ZFYVE16: variants seen among roughly 807,000 people sequenced by gnomAD.
The protein encoded by ZFYVE16 is zinc finger FYVE domain-containing protein 16.
In ZFYVE16, 89 loss-of-function variants were observed where a neutral mutation model predicts 138.1. The ratio of observed to expected loss-of-function variants is 0.64; its 90% confidence interval spans 0.54 to 0.77. ZFYVE16 has a LOEUF of 0.77. ZFYVE16 is among the 30% of genes least tolerant of loss of function. The probability of loss-of-function intolerance (pLI) is 0.00; values close to 1 mark genes in which losing one functional copy is unlikely to be tolerated. For missense variants in ZFYVE16, 1,793 were observed against 1,786.7 expected (o/e 1.00, Z -0.06); for synonymous variants, 596 against 618.3 (o/e 0.96, Z 0.53).
chr5:80,452,563 G>T (rs11958178), intron 11 of ZFYVE16: 1 of 151,820 alleles, frequency 6.6e-6, no homozygotes, highest in African/African-American at 2.4e-5. Context: ...ATATACTATT[G>T]GGAGTTTGTT....
intron 15 of ZFYVE16, among the ~76,000 whole-genome samples, chr5:80,470,939 T>TG (rs1561334475): frequency 6.6e-6 from 1 of 151,432 alleles, no homozygotes; most frequent in African/African-American, 2.4e-5. Context: ...CAGGACTGTG[T>TG]AAAGACAATG....
intron 13 of ZFYVE16, 123 bp downstream of exon 13, chr5:80,456,688 T>C: frequency 1.1e-6 from 1 of 923,426 alleles, no homozygotes; most frequent in Non-Finnish European, 1.6e-6. Flanking sequence ...CAAACATTGT[T>C]TTTGAAATGA....
chr5:80,416,247 A>ATTT (rs70988469), intron 1 of ZFYVE16, among the ~76,000 whole-genome samples: 10 of 73,344 alleles, frequency 1.4e-4, no homozygotes, highest in African/African-American at 4.3e-4. Flanking sequence ...GAATACATAG[A>ATTT]TTTTTTTTTT....
intron 8 of ZFYVE16, 35 bp downstream of exon 8, chr5:80,448,439 A>G (rs1218966693): frequency 7.0e-7 from 1 of 1,428,646 alleles, no homozygotes; most frequent in Non-Finnish European, 9.1e-7. Flanking sequence ...AAAAAGATTT[A>G]AAAATATATA....
intron 15 of ZFYVE16, among the ~76,000 whole-genome samples, chr5:80,467,246 C>G (rs1401099283): frequency 1.6e-4 from 24 of 152,140 alleles, no homozygotes; most frequent in Non-Finnish European, 7.4e-5. Flanking sequence ...AAAGGAAAAG[C>G]TGGGGAATGC....
chr5:80,474,001 AC>A, intron 17 of ZFYVE16, 142 bp downstream of exon 17: 1 of 593,424 alleles, frequency 1.7e-6, no homozygotes, highest in Non-Finnish European at 2.8e-6. Flanking sequence ...ACGCATTTCC[AC>A]CCCAGAATTT....
intron 5 of ZFYVE16, chr5:80,441,978 T>C (rs1750759661): frequency 1.1e-6 from 1 of 939,170 alleles, no homozygotes; most frequent in Admixed American, 6.2e-5. Context: ...AGCTATATTC[T>C]CATGAAATTT....
At chr5:80,434,515 C>G (rs571753342) in intron 3 of ZFYVE16, among the ~76,000 whole-genome samples, 1 of 152,246 alleles carries the variant, frequency 6.6e-6, no homozygotes, top group Admixed American at 6.5e-5. Flanking sequence ...CTCATTCTGT[C>G]TCCCAGGCTG....
At chr5:80,449,130 C>CT (rs561539823) in intron 8 of ZFYVE16, among the ~76,000 whole-genome samples, 1,598 of 146,270 alleles carry the variant, frequency 0.011, 11 homozygotes, top group Middle Eastern at 0.018. Flanking sequence ...TTGTCAAGAT[C>CT]TTTTTTTTTT....
chr5:80,433,186 C>T lies in ZFYVE16; in HGVS notation c.-39-923C>T, dbSNP rs185308603. ...ACAATAGCAAAGACTTGGAACCAAC[C>T]CAAATGTCCATCAATGATAGACTGG... On this transcript the variant is annotated intron_variant, in intron 2 of 18. Coordinates refer to ENST00000505560, the MANE Select transcript of ZFYVE16 (RefSeq NM_001284236.3). 2.9e-3 allele frequency among the ~76,000 whole-genome samples: 443 copies of T among 152,218 alleles called. 2 individuals are homozygous for T. Among genetic ancestry groups the T allele is most frequent in the African/African-American group, 0.01 (425 of 41,544 alleles).
At chr5:80,474,884 A>C in intron 18 of ZFYVE16, 54 bp downstream of exon 18, 2 of 1,548,012 alleles carry the variant, frequency 1.3e-6, no homozygotes, top group Non-Finnish European at 1.7e-6. Flanking sequence ...CATATTAACA[A>C]GTTTTTCTTC....
At chr5:80,407,771 C>T (rs1744813511), upstream of ZFYVE16, among the ~76,000 whole-genome samples, 1 of 152,206 alleles carries the variant, frequency 6.6e-6, no homozygotes, top group Non-Finnish European at 1.5e-5. Context: ...GGAAGTCAGA[C>T]ACTGACGCGA....
intron 11 of ZFYVE16, among the ~76,000 whole-genome samples, chr5:80,453,829 C>T (rs181702335): frequency 6.6e-6 from 1 of 152,270 alleles, no homozygotes; most frequent in East Asian, 1.9e-4. Context: ...TTTTTAAATG[C>T]TTTTGAAAAT....
At chr5:80,448,435 A>C (rs760141418) in intron 8 of ZFYVE16, 31 bp downstream of exon 8, 28 of 1,433,754 alleles carry the variant, frequency 2.0e-5, no homozygotes, top group Non-Finnish European at 2.5e-5. Context: ...ATTTAAAAAG[A>C]TTTAAAAATA....
rs775324716 is a variant in ZFYVE16 at position 80,448,162 on chromosome 5, C to A, written c.2861C>A (p.Thr954Lys). 2 of 1,613,910 alleles carry A rather than the reference C, an allele frequency of 1.2e-6. No homozygotes were observed. Among genetic ancestry groups the A allele is most frequent in the Non-Finnish European group, 1.7e-6 (2 of 1,179,936 alleles). Residue 954 changes from threonine to lysine, a missense_variant, in exon 8 of 19, where the codon ACA (threonine) becomes AAA (lysine). Around this residue, in one of 2 missense-constraint regions of ZFYVE16, gnomAD observed 1,295 missense variants for 1,204.3 expected, o/e 1.08. Transcript: ENST00000505560. ...TCAGTGGAAAAATTGTCTATGAACA[C>A]AGGAAATGAGGGGTTACCTACTTCT... ...VPSVEKLSMN[T>K]GNEGLPTSGS...
intron 15 of ZFYVE16, among the ~76,000 whole-genome samples, chr5:80,471,717 G>A (rs562566155): frequency 5.9e-5 from 9 of 152,272 alleles, no homozygotes; most frequent in African/African-American, 9.6e-5. Context: ...GCCAGATCCC[G>A]CAATAGTTAT....
In ZFYVE16 at chr5:80,471,727, T is replaced by C. The variant is rs528754397; in HGVS notation, c.4025-1034T>C. On this transcript the variant is annotated intron_variant, in intron 15 of 18. Coordinates refer to ENST00000505560, the MANE Select transcript of ZFYVE16 (RefSeq NM_001284236.3). Reference sequence around the variant, plus strand: ...TGCTGGCCAGATCCCGCAATAGTTATATGCTTTAGAAACTTTAGATTCTAA... The same window carrying C: ...TGCTGGCCAGATCCCGCAATAGTTACATGCTTTAGAAACTTTAGATTCTAA... Among the ~76,000 whole-genome samples, 13 of 152,358 alleles carry C rather than the reference T, an allele frequency of 8.5e-5. No homozygotes were observed. The South Asian group carries it at 2.5e-3, about 29-fold the overall frequency.
rs369109701 is a variant in ZFYVE16 at position 80,470,064 on chromosome 5, C to CGTGTGTGTGTGTGT, written c.4025-2674_4025-2661dup. ...ATATATGTGTGTGTGTGTATATATA[C>CGTGTGTGTGTGTGT]GTGTGTGTGTGTGTGTGTGTGTGTG... On this transcript the variant is annotated intron_variant, in intron 15 of 18. Coordinates refer to ENST00000505560, the MANE Select transcript of ZFYVE16 (RefSeq NM_001284236.3). Among the ~76,000 whole-genome samples the CGTGTGTGTGTGTGT allele has an allele frequency of 3.0e-3, 178 of 59,502 alleles. 1 individual carries two copies. Among genetic ancestry groups the CGTGTGTGTGTGTGT allele is most frequent in the African/African-American group, 6.7e-3 (144 of 21,372 alleles). 39.0% of individuals were successfully genotyped at this position (59,502 alleles called of 152,430 possible).
Position 80,477,528 on chromosome 5 carries a change from A to C in ZFYVE16, c.*151A>C, listed in dbSNP as rs1047263354. ...TCTTTAGGCAGGAATGATCTTTTCA[A>C]ATCATTAGCACAATATTTAAATATC... On this transcript the variant is annotated 3_prime_UTR_variant, in exon 19 of 19. Coordinates refer to ENST00000505560, the MANE Select transcript of ZFYVE16 (RefSeq NM_001284236.3). 1.7e-6 allele frequency: 1 copy of C among 587,998 alleles called. No individual in the cohort carries two copies. The highest frequency in any genetic ancestry group is 4.2e-5 in the Admixed American group (1 of 24,008). The allele number at this position is 587,998 out of a possible 1,614,324, so 36.4% of individuals were successfully genotyped here.
Sources: allele counts gnomAD v4.1 joint callset (sites outside exome capture counted in the v4.1 genomes callset), GRCh38; gene constraint gnomAD v4.1.1; regional missense constraint gnomAD v4.1.1; transcripts MANE v1.5; gene names NCBI Gene and HGNC (gene_info 2026-07-23, HGNC 2026-07-21).